Variants in SDK1 observed in about 807,000 individuals in gnomAD.
SDK1 encodes sidekick cell adhesion molecule 1.
Under a neutral mutation model 245.5 loss-of-function variants are expected in SDK1, and 157 were observed. The ratio of observed to expected loss-of-function variants is 0.64; its 90% CI spans 0.56 to 0.73. The LOEUF (loss-of-function observed/expected upper bound fraction) is 0.73, where lower values mean the gene tolerates loss of function less well. SDK1 is among the 30% of genes least tolerant of loss of function. The probability of loss-of-function intolerance (pLI) is 0.00; values close to 1 mark genes in which losing one functional copy is unlikely to be tolerated. For synonymous variants in SDK1, 1,647 were observed against 1,278.5 expected (o/e 1.29, Z -6.15); for missense variants, 3,583 against 3,002.3 (o/e 1.19, Z -4.52).
At chr7:3,991,421 C>T (rs1358864503) in intron 14 of SDK1, among the ~76,000 whole-genome samples, 1 of 152,162 alleles carries the variant, frequency 6.6e-6, no homozygotes, top group East Asian at 1.9e-4. Flanking sequence ...CTACATGCTT[C>T]CCTTTGCGCA....
intron 1 of SDK1, among the ~76,000 whole-genome samples, chr7:3,388,122 A>C (rs1028186639): frequency 2.0e-5 from 3 of 152,212 alleles, no homozygotes; most frequent in Non-Finnish European, 4.4e-5. Context: ...CTGTGACTGC[A>C]CCACATTTGT....
rs76092282 is a variant in SDK1, at chr7:3,673,268, T to C, written c.713+31163T>C. Among the ~76,000 whole-genome samples the C allele has an allele frequency of 5.7e-3, 873 of 152,238 alleles. 14 individuals carry two copies. Among genetic ancestry groups the C allele is most frequent in the African/African-American group, 0.02 (827 of 41,534 alleles). ...CAGAATGAAGCATTGCAGGAACAAATCCCATGGGGGCGGTTCATGATCAAC... is the reference window on the plus strand; with the variant it reads ...CAGAATGAAGCATTGCAGGAACAAACCCCATGGGGGCGGTTCATGATCAAC... On this transcript the variant is annotated intron_variant, in intron 4 of 44. Transcript: ENST00000404826.
chr7:3,493,534 C>A (rs551788783), intron 1 of SDK1, among the ~76,000 whole-genome samples: 3 of 152,242 alleles, frequency 2.0e-5, no homozygotes, highest in Non-Finnish European at 4.4e-5. Context: ...AGGAAGTGCC[C>A]ACACTGATAA....
rs139883150 is a variant in SDK1 at position 3,674,209 on chromosome 7, A to G, written c.713+32104A>G. 1.6e-3 allele frequency among the ~76,000 whole-genome samples: 247 copies of G among 152,314 alleles called. 2 individuals are homozygous for G. Among genetic ancestry groups the G allele is most frequent in the African/African-American group, 5.7e-3 (237 of 41,574 alleles). Reference sequence around the variant, plus strand: ...AAGACAGCATCAGAAATTGACTACAACAACGAAGGTGTAGTGGGAGATAAA... The same window carrying G: ...AAGACAGCATCAGAAATTGACTACAGCAACGAAGGTGTAGTGGGAGATAAA... On this transcript the variant is annotated intron_variant, in intron 4 of 44. Transcript: ENST00000404826.
intron 2 of SDK1, among the ~76,000 whole-genome samples, chr7:3,628,132 T>C (rs1002092533): frequency 6.6e-6 from 1 of 152,132 alleles, no homozygotes; most frequent in African/African-American, 2.4e-5. Flanking sequence ...CCGGATCAAG[T>C]TGACTCATGT....
chr7:3,307,803 T>C (rs992704033), intron 1 of SDK1, among the ~76,000 whole-genome samples: 3 of 152,154 alleles, frequency 2.0e-5, no homozygotes, highest in African/African-American at 7.2e-5. Flanking sequence ...TTAGTCTCTC[T>C]GAGTCTGTTT....
intron 5 of SDK1, among the ~76,000 whole-genome samples, chr7:3,919,811 C>T (rs1174124602): frequency 1.3e-5 from 2 of 152,076 alleles, no homozygotes; most frequent in Non-Finnish European, 2.9e-5. Context: ...CGTGAGACAC[C>T]GGGCTGCACT....
At chr7:3,799,955 T>C (rs1268382981) in intron 4 of SDK1, among the ~76,000 whole-genome samples, 1 of 152,192 alleles carries the variant, frequency 6.6e-6, no homozygotes, top group East Asian at 1.9e-4. Flanking sequence ...CTTGTCTCCA[T>C]GAGATGGAAA....
intron 10 of SDK1, among the ~76,000 whole-genome samples, chr7:3,968,645 A>G (rs1263690496): frequency 6.6e-6 from 1 of 152,236 alleles, no homozygotes; most frequent in African/African-American, 2.4e-5. Context: ...TCACCCAAAC[A>G]TAGCAATCAC....
At chr7:3,620,394 C>T (rs183229109) in intron 2 of SDK1, among the ~76,000 whole-genome samples, 1 of 151,912 alleles carries the variant, frequency 6.6e-6, no homozygotes, top group Non-Finnish European at 1.5e-5. Context: ...CCTCCACCTT[C>T]TGGGTTCAAA....
chr7:4,026,508 C>T lies in SDK1; in HGVS notation c.2602+9156C>T, dbSNP rs1018314144. 2.0e-5 allele frequency among the ~76,000 whole-genome samples: 3 copies of T among 152,214 alleles called. No homozygotes were observed. Among genetic ancestry groups the T allele is most frequent in the Non-Finnish European group, 2.9e-5 (2 of 68,044 alleles). On this transcript the variant is annotated intron_variant, in intron 17 of 44. Transcript: ENST00000404826. This position sits in a 1 kb window ranked among gnomAD's most constrained non-coding sequence, Gnocchi z 4.1. Reference sequence around the variant, plus strand: ...TGCCAGGGCCTGCGGGCTCTCCCCACGTGCTGTGCCCCCACCCCAGCCCAA... The same window carrying T: ...TGCCAGGGCCTGCGGGCTCTCCCCATGTGCTGTGCCCCCACCCCAGCCCAA...
chr7:3,460,748 G>A (rs113611162), intron 1 of SDK1, among the ~76,000 whole-genome samples: 3,174 of 152,180 alleles, frequency 0.021, 135 homozygotes, highest in African/African-American at 0.073. Flanking sequence ...TTATTTTGGG[G>A]CTAAAAACAG....
intron 4 of SDK1, among the ~76,000 whole-genome samples, chr7:3,732,129 A>C (rs895927502): frequency 6.6e-6 from 1 of 152,204 alleles, no homozygotes; most frequent in African/African-American, 2.4e-5. Flanking sequence ...ATGAAGGAAT[A>C]TTTGTTAGCA....
At chr7:3,382,692 T>C (rs1322741305) in intron 1 of SDK1, among the ~76,000 whole-genome samples, 1 of 152,202 alleles carries the variant, frequency 6.6e-6, no homozygotes. Flanking sequence ...TTTTCCTATG[T>C]TGGCAAAATT....
At chr7:4,182,929 A>G (rs1051346851) in intron 35 of SDK1, among the ~76,000 whole-genome samples, 2 of 152,194 alleles carry the variant, frequency 1.3e-5, no homozygotes, top group Non-Finnish European at 2.9e-5. Flanking sequence ...AGCCCATGGT[A>G]TTGCAGTCAA....
rs1397720656 is a variant in SDK1 at position 3,604,597 on chromosome 7, CTTTTCTTTTT to C, written c.299-14478_299-14469del. ...ATTCCAGACTTTTTCTTTTTCTTTT[CTTTTCTTTTT>C]TTTTTTTTTTTTGAGACAGAGTTTT... On this transcript the variant is annotated intron_variant, in intron 1 of 44. Transcript: ENST00000404826. 3.0e-5 allele frequency among the ~76,000 whole-genome samples: 4 copies of C among 131,252 alleles called. No homozygotes were observed. The East Asian group carries it at 8.7e-4, about 28-fold the overall frequency. The allele number at this position is 131,252 out of a possible 152,430, so 86.1% of individuals were successfully genotyped here.
intron 1 of SDK1, among the ~76,000 whole-genome samples, chr7:3,610,233 G>C (rs748032404): frequency 1.4e-4 from 22 of 152,142 alleles, no homozygotes; most frequent in Non-Finnish European, 1.0e-4. Flanking sequence ...CATATTTGCC[G>C]TAAACTCACC....
chr7:3,302,348 C>G (rs1003145167), intron 1 of SDK1: 1 of 152,162 alleles, frequency 6.6e-6, no homozygotes, highest in African/African-American at 2.4e-5. Context: ...CTCGTCCTCT[C>G]CCCAGCCCCC....
At chr7:3,601,835 AC>A (rs1781263714) in intron 1 of SDK1, among the ~76,000 whole-genome samples, 1 of 84,014 alleles carries the variant, frequency 1.2e-5, no homozygotes, top group South Asian at 4.9e-4. Context: ...CCCTTCCCCC[AC>A]CCCACAACAG....
Sources: allele counts gnomAD v4.1 joint callset (sites outside exome capture counted in the v4.1 genomes callset), GRCh38; gene constraint gnomAD v4.1.1; non-coding constraint Gnocchi (gnomAD v3.1); transcripts MANE v1.5; gene names NCBI Gene and HGNC (gene_info 2026-07-23, HGNC 2026-07-21).